RRBP1: variants seen among roughly 807,000 people sequenced by gnomAD.
The protein encoded by RRBP1 is ribosome-binding protein 1.
RRBP1 carries 94 observed loss-of-function variants against 165.2 expected under a neutral mutation model. That is an observed-to-expected ratio of 0.57 (90% confidence interval 0.48 to 0.68). The LOEUF (loss-of-function observed/expected upper bound fraction) is 0.68. Among genes scored for constraint, RRBP1 ranks in the 30% least tolerant of loss-of-function variants. The probability of loss-of-function intolerance (pLI) is 0.00; values close to 1 mark genes in which losing one functional copy is unlikely to be tolerated. For missense variants in RRBP1, 1,676 were observed against 1,763.0 expected, an observed-to-expected ratio of 0.95 and a Z score of 0.88; for synonymous variants, 680 against 714.5, an observed-to-expected ratio of 0.95 and a Z score of 0.77.
chr20:17,649,524 C>A (rs2036519928), intron 3 of RRBP1, among the ~76,000 whole-genome samples: 1 of 139,824 alleles, frequency 7.2e-6, no homozygotes, highest in Non-Finnish European at 1.5e-5. Context: ...TGGCGTCAGA[C>A]CTGCTGTGCT....
At chr20:17,648,017 CCAG>C (rs1401724766) in intron 3 of RRBP1, among the ~76,000 whole-genome samples, 1 of 152,160 alleles carries the variant, frequency 6.6e-6, no homozygotes, top group Admixed American at 6.5e-5. Context: ...TCCTGGAAGC[CCAG>C]CACCACGCAA....
rs571378660 is a variant in RRBP1, at chr20:17,614,993, A to T, written c.4051-113T>A. The T allele has an allele frequency of 4.4e-5, 53 of 1,205,290 alleles. No homozygotes were observed. The African/African-American group carries it at 7.4e-4, about 17-fold the overall frequency. The allele number at this position is 1,205,290 out of a possible 1,614,324, so 74.7% of individuals were successfully genotyped here. Reference sequence around the variant, plus strand: ...CTGGAGCCCTCTGGGGACACAAGGAAGGCAACTCCTGGTCACCCGGAGATA... The same window carrying T: ...CTGGAGCCCTCTGGGGACACAAGGATGGCAACTCCTGGTCACCCGGAGATA... On this transcript the variant is annotated intron_variant, in intron 23 of 24. Coordinates refer to ENST00000377813, the MANE Select transcript of RRBP1 (RefSeq NM_001365613.2).
intron 3 of RRBP1, among the ~76,000 whole-genome samples, chr20:17,657,892 C>T (rs79802905): frequency 0.028 from 4,199 of 152,296 alleles, 80 homozygotes; most frequent in Middle Eastern, 0.061. Flanking sequence ...ACCTTCCTAC[C>T]ATCATTCACT....
intron 8 of RRBP1, among the ~76,000 whole-genome samples, chr20:17,630,748 A>G (rs2036132921): frequency 6.6e-6 from 1 of 152,224 alleles, no homozygotes. Flanking sequence ...GTTCTCCAAA[A>G]AGCCCGACCA....
intron 3 of RRBP1, among the ~76,000 whole-genome samples, chr20:17,649,988 G>A (rs1190034061): frequency 6.6e-6 from 1 of 152,050 alleles, no homozygotes; most frequent in Admixed American, 6.5e-5. Flanking sequence ...CAGAAGAGCT[G>A]GCACTACCTT....
intron 2 of RRBP1, among the ~76,000 whole-genome samples, chr20:17,665,533 A>T (rs1323833839): frequency 1.3e-5 from 2 of 152,116 alleles, no homozygotes; most frequent in Non-Finnish European, 2.9e-5. Flanking sequence ...CACCACGCCC[A>T]GCTAATTTTT....
rs1033513282 is a variant in RRBP1 at position 17,621,715 on chromosome 20, G to A, written c.3299C>T (p.Pro1100Leu). ...CGAGGAGGGCTCCGCGGGAGCTGGC[G>A]GGTGCTTCAGCAGCGTGGGGCCTTT... Reference protein sequence around the residue: ...KEKGPTLLKHPPAPAEPSSDL... With the variant: ...KEKGPTLLKHLPAPAEPSSDL... Residue 1100 changes from proline to leucine, a missense_variant, in exon 15 of 25, where the codon CCG becomes CTG. Pro to Leu is a moderately conservative substitution (Grantham distance 98). Transcript: ENST00000377813. The A allele has an allele frequency of 1.9e-6, 3 of 1,613,624 alleles. No individual in the cohort carries two copies. The highest frequency in any genetic ancestry group is 1.1e-5 in the South Asian group (1 of 91,090).
At chr20:17,657,712 A>G (rs1407498612) in intron 3 of RRBP1, among the ~76,000 whole-genome samples, 1 of 152,232 alleles carries the variant, frequency 6.6e-6, no homozygotes, top group Non-Finnish European at 1.5e-5. Context: ...CAATTTCTAC[A>G]GTAATATACA....
Position 17,624,648 on chromosome 20 carries a change from C to A in RRBP1, c.3075G>T (p.Trp1025Cys). The change falls in exon 13 of 25, where the codon TGG becomes TGT. Residue 1025 changes from tryptophan (W) to cysteine (C), a missense_variant. Physicochemically the swap from Trp to Cys is radical, Grantham distance 215 (BLOSUM62 -2). Coordinates refer to ENST00000377813, the MANE Select transcript of RRBP1 (RefSeq NM_001365613.2). ...VKNNDLREKN[W>C]KAMEALATAE... is the part of the protein sequence containing the mutation. ...CCGTGGCCAGTGCCTCCATGGCCTT[C>A]CAGTTCTTCTCCCGGAGGTCCTGGA... is the stretch of plus-strand genomic sequence containing the variant. 1 of 1,586,834 alleles carries A rather than the reference C, an allele frequency of 6.3e-7. No individual in the cohort carries two copies. The highest frequency in any genetic ancestry group is 8.6e-7 in the Non-Finnish European group (1 of 1,167,128).
chr20:17,614,389 C>T (rs888597772), intron 24 of RRBP1, among the ~76,000 whole-genome samples, 169 bp from the exon 25 acceptor site: 2 of 152,152 alleles, frequency 1.3e-5, no homozygotes, highest in African/African-American at 4.8e-5. Flanking sequence ...ACAGGGAGGA[C>T]TTGGTGGGAG....
chr20:17,636,877 C>T (rs574128407), intron 5 of RRBP1, 148 bp from the exon 6 acceptor site: 1 of 933,158 alleles, frequency 1.1e-6, no homozygotes, highest in African/African-American at 1.6e-5. Context: ...AGACTCAAGC[C>T]AGCTGCAGTG....
rs75431373 is a variant in RRBP1 at position 17,659,133 on chromosome 20, C to T, written c.1375G>A (p.Gly459Ser). The change falls in exon 3 of 25, where the codon GGC becomes AGC. Residue 459 changes from glycine (G) to serine (S), a missense_variant. By Grantham distance (56) the Gly-to-Ser change is moderately conservative. Coordinates refer to ENST00000377813, the MANE Select transcript of RRBP1 (RefSeq NM_001365613.2). ...TTCTGAGCACCCTCGGCCTTCTTGC[C>T]CTGGTTCTGGGCCCCCTCGGCCTTC... Reference protein sequence around the residue: ...GKKAEGAQNQGKKAEGAQNQG... With the variant: ...GKKAEGAQNQSKKAEGAQNQG... 1.6e-4 allele frequency: 240 copies of T among 1,548,184 alleles called. No homozygotes were observed. In the African/African-American group the frequency reaches 2.8e-3, roughly 18 times the overall value.
At chr20:17,619,794 AG>A in intron 18 of RRBP1, 66 bp from the exon 19 acceptor site, 1 of 1,240,010 alleles carries the variant, frequency 8.1e-7, no homozygotes, top group East Asian at 2.6e-5. Flanking sequence ...CACTCACCTC[AG>A]GGAGCAGGCT....
rs555311250 is a variant in RRBP1 at position 17,651,045 on chromosome 20, C to T, written c.1912+7551G>A. 3.3e-5 allele frequency among the ~76,000 whole-genome samples: 5 copies of T among 152,338 alleles called. No individual in the cohort carries two copies. In the South Asian group the frequency reaches 8.3e-4, roughly 25 times the overall value. On this transcript the variant is annotated intron_variant, in intron 3 of 24. Transcript: ENST00000377813. The stretch of plus-strand genomic sequence containing the variant: ...GTGCGTCAGCTGACAGTACCCGGAA[C>T]ACGGGGAAGCTTCCATTCTGGGGAA...
rs755802301 is a variant in RRBP1, at chr20:17,658,624, C to T, written c.1884G>A (p.Lys628=). ...GCTCACCTTTTTTCTTTGAACCAGA[C>T]TTCTTCTTGGCAGGAGCCTCTTGCT... ...APKQEAPAKK[K]SGSKKKGEPG... The change falls in exon 3 of 25, where the codon AAG becomes AAA. Residue 628 remains lysine, a synonymous_variant. Coordinates refer to ENST00000377813, the MANE Select transcript of RRBP1 (RefSeq NM_001365613.2). 2 of 1,604,314 alleles carry T rather than the reference C, an allele frequency of 1.2e-6. No individual in the cohort carries two copies. The highest frequency in any genetic ancestry group is 2.7e-5 in the African/African-American group (2 of 73,990).
In RRBP1 at chr20:17,647,715, C is replaced by A. The variant is rs192966487; in HGVS notation, c.1913-4588G>T. On this transcript the variant is annotated intron_variant, in intron 3 of 24. Transcript: ENST00000377813. ...ACCTGAAACAGCATGGACTTGAGGG[C>A]TTGGGGAAGAACTCCAGTGGCAAAA... Among the ~76,000 whole-genome samples the A allele has an allele frequency of 4.7e-4, 72 of 152,310 alleles. 1 individual carries two copies. Among genetic ancestry groups the A allele is most frequent in the African/African-American group, 1.7e-3 (71 of 41,568 alleles).
chr20:17,659,306 T>G lies in RRBP1; in HGVS notation c.1202A>C (p.Lys401Thr), dbSNP rs2036709357. The G allele has an allele frequency of 2.6e-6, 4 of 1,540,044 alleles. No individual in the cohort carries two copies. The highest frequency in any genetic ancestry group is 3.5e-6 in the Non-Finnish European group (4 of 1,143,658). The change falls in exon 3 of 25, where the codon AAG becomes ACG. Residue 401 changes from lysine (K) to threonine (T), a missense_variant. By Grantham distance (78) the Lys-to-Thr change is moderately conservative. This residue lies in a region of RRBP1 where 78 missense variants were observed against 115.6 expected (regional missense o/e 0.67). Transcript: ENST00000377813. Reference sequence around the variant, plus strand: ...GCCCTGGTTCTGGGCACCCTCAGCCTTCTTGCCCTGGTTCTGGGCCCCTTC... The same window carrying G: ...GCCCTGGTTCTGGGCACCCTCAGCCGTCTTGCCCTGGTTCTGGGCCCCTTC... ...KVEGAQNQGK[K>T]AEGAQNQGKK...
chr20:17,668,520 G>C (rs2036912846), intron 2 of RRBP1, among the ~76,000 whole-genome samples: 1 of 152,080 alleles, frequency 6.6e-6, no homozygotes, highest in African/African-American at 2.4e-5. Context: ...GACCAGCCAG[G>C]GACTAACTTT....
chr20:17,621,597 C>T, intron 15 of RRBP1, 50 bp from the exon 16 acceptor site: 1 of 1,592,016 alleles, frequency 6.3e-7, no homozygotes, highest in Non-Finnish European at 8.6e-7. Context: ...AAAGGTTCTT[C>T]TCTTGGCTTC....
Sources: gnomAD v4.1 joint callset for allele counts (sites outside exome capture counted in the v4.1 genomes callset) on GRCh38, gnomAD v4.1.1 for gene constraint, gnomAD v4.1.1 regional missense constraint, MANE v1.5 for transcripts, NCBI Gene and HGNC (gene_info 2026-07-23, HGNC 2026-07-21) for gene names.